EDEM1: variants seen among roughly 807,000 people sequenced by gnomAD.
EDEM1 encodes the protein ER degradation enhancing alpha-mannosidase like protein 1.
In EDEM1, 67 loss-of-function variants were observed where a neutral mutation model predicts 74.4. The observed-to-expected ratio is 0.90, with a 90% CI of 0.74 to 1.10. The LOEUF is 1.10. Ranked by LOEUF, EDEM1 falls within the 50% of genes least tolerant of loss-of-function variation. EDEM1 has a pLI of 0.00. For synonymous variants in EDEM1, 382 were observed against 335.9 expected (o/e 1.14, Z -1.50); for missense variants, 926 against 851.6 (o/e 1.09, Z -1.09).
intron 2 of EDEM1, among the ~76,000 whole-genome samples, chr3:5,199,252 C>T (rs2106593357): frequency 6.6e-6 from 1 of 152,272 alleles, no homozygotes; most frequent in African/African-American, 2.4e-5. Flanking sequence ...GTATACCTGC[C>T]AGAAGTTTTA....
chr3:5,215,780 A>G (rs373871613), intron 11 of EDEM1, 49 bp from the exon 12 acceptor site: 1 of 1,517,096 alleles, frequency 6.6e-7, no homozygotes, highest in African/African-American at 1.4e-5. Flanking sequence ...ACATTTCCTG[A>G]GAGAGCAACA....
intron 3 of EDEM1, 140 bp from the exon 4 acceptor site, chr3:5,201,613 A>G: frequency 2.3e-6 from 2 of 852,960 alleles, no homozygotes; most frequent in South Asian, 1.6e-5. Flanking sequence ...GGAATTCAAG[A>G]GTCCATTAAG....
rs1217432798 is a variant in EDEM1 at position 5,219,471 on chromosome 3, G to A, written c.*3553G>A. 1 of 152,110 alleles carries A rather than the reference G, an allele frequency of 6.6e-6. No individual in the cohort carries two copies. The highest frequency in any genetic ancestry group is 1.5e-5 in the Non-Finnish European group (1 of 68,030). The allele number at this position is 152,110 out of a possible 1,614,324, so 9.4% of individuals were successfully genotyped here. ...GAAATCGAGGAGGTGGGACGGGCTGGGCCCTGTGTCCCAGGTTTCACAGGG... is the reference window on the plus strand; with the variant it reads ...GAAATCGAGGAGGTGGGACGGGCTGAGCCCTGTGTCCCAGGTTTCACAGGG... On this transcript the variant is annotated 3_prime_UTR_variant, in exon 12 of 12. Transcript: ENST00000256497.
chr3:5,199,803 A>G (rs1250253223), intron 3 of EDEM1, 108 bp downstream of exon 3: 6 of 802,668 alleles, frequency 7.5e-6, no homozygotes, highest in Non-Finnish European at 1.2e-5. Flanking sequence ...CAGGGAGTCC[A>G]TATGGGCTTT....
chr3:5,203,115 T>G lies in EDEM1; in HGVS notation c.1008T>G (p.Leu336=). The G allele has an allele frequency of 1.2e-6, 2 of 1,604,820 alleles. No individual in the cohort carries two copies. Among genetic ancestry groups the G allele is most frequent in the South Asian group, 1.1e-5 (1 of 89,712 alleles). The change falls in exon 5 of 12, where the codon CTT becomes CTG. Residue 336 remains leucine, a synonymous_variant. Transcript: ENST00000256497. The stretch of plus-strand genomic sequence containing the variant: ...TGGCCAGACGAGCAGTGAAAGCCCT[T>G]TGGAACCTCCGGAGCAATGATACAG... ...EWVARRAVKA[L]WNLRSNDTGL...
chr3:5,193,833 G>A (rs1323230887), intron 1 of EDEM1, among the ~76,000 whole-genome samples: 2 of 152,102 alleles, frequency 1.3e-5, no homozygotes, highest in Non-Finnish European at 2.9e-5. Flanking sequence ...CCTGACCTTG[G>A]ATGATCCACC....
intron 10 of EDEM1, among the ~76,000 whole-genome samples, chr3:5,212,835 G>A (rs1330919286): frequency 1.3e-5 from 2 of 152,230 alleles, no homozygotes; most frequent in Middle Eastern, 3.2e-3. Flanking sequence ...TGTGCAAGAA[G>A]TGAAGTGAAT....
chr3:5,216,590 G>A lies in EDEM1; in HGVS notation c.*672G>A, dbSNP rs974179759. On this transcript the variant is annotated 3_prime_UTR_variant, in exon 12 of 12. Coordinates refer to ENST00000256497, the MANE Select transcript of EDEM1 (RefSeq NM_014674.3). ...TCCAACCGTGATTTTGGATCACATGGGAGAAAAAGTCATCCAGTTTTTCAT... is the reference window on the plus strand; with the variant it reads ...TCCAACCGTGATTTTGGATCACATGAGAGAAAAAGTCATCCAGTTTTTCAT... 6.6e-6 allele frequency: 1 copy of A among 152,392 alleles called. No homozygotes were observed. Among genetic ancestry groups the A allele is most frequent in the Non-Finnish European group, 1.5e-5 (1 of 68,032 alleles). 9.4% of individuals were successfully genotyped at this position (152,392 alleles called of 1,614,324 possible).
intron 8 of EDEM1, 132 bp downstream of exon 8, chr3:5,208,395 A>G (rs561737277): frequency 1.0e-4 from 107 of 1,069,660 alleles, no homozygotes; most frequent in South Asian, 4.2e-4. Context: ...GTTACCCCCT[A>G]TCCGTAGTCT....
rs199626889 is a variant in EDEM1, at chr3:5,188,300, C to T, written c.495C>T (p.Pro165=). The T allele has an allele frequency of 4.2e-5, 64 of 1,521,924 alleles. No individual in the cohort carries two copies. In the African/African-American group the frequency reaches 8.7e-4, roughly 21 times the overall value. The allele number at this position is 1,521,924 out of a possible 1,614,324, so 94.3% of individuals were successfully genotyped here. A position where few individuals can be genotyped will look rare whatever the true frequency, so the allele number is the denominator to read the frequency against. Residue 165 remains proline, a synonymous_variant, in exon 1 of 12, where the codon CCC becomes CCT. Transcript: ENST00000256497. Reference sequence around the variant, plus strand: ...CCATCCACTGCCGCGGCCGTGGGCCCGACCGCGGGGACCCGTGAGTAGCCC... The same window carrying T: ...CCATCCACTGCCGCGGCCGTGGGCCTGACCGCGGGGACCCGTGAGTAGCCC... ...LNPIHCRGRG[P]DRGDPSNLNI...
rs2055282313 is a variant in EDEM1, at chr3:5,219,246, G to C, written c.*3328G>C. On this transcript the variant is annotated 3_prime_UTR_variant, in exon 12 of 12. Transcript: ENST00000256497. Reference sequence around the variant, plus strand: ...GAGGGCACCAGGGGCCTTTCTCTTTGATAAATTTTTTTTGTCTGTTGACAA... The same window carrying C: ...GAGGGCACCAGGGGCCTTTCTCTTTCATAAATTTTTTTTGTCTGTTGACAA... The C allele has an allele frequency of 6.6e-6, 1 of 152,130 alleles. No homozygotes were observed. The highest frequency in any genetic ancestry group is 2.4e-5 in the African/African-American group (1 of 41,430). 9.4% of individuals were successfully genotyped at this position (152,130 alleles called of 1,614,324 possible). A position where few individuals can be genotyped will look rare whatever the true frequency, so the allele number is the denominator to read the frequency against.
intron 1 of EDEM1, among the ~76,000 whole-genome samples, chr3:5,189,147 G>A (rs1323647591): frequency 6.6e-6 from 1 of 151,892 alleles, no homozygotes; most frequent in African/African-American, 2.4e-5. Context: ...ACCCAGCTAA[G>A]GACCTCTTAC....
At position 5,215,837 on chromosome 3, in the gene EDEM1, T is replaced by C. The variant is rs2055227998; in HGVS notation, c.1893T>C (p.Arg631=). ...KVINSSSNCN[R]VPDERRYSLP... ...CGTTTTTGTCTTTCTAGTGCAATCG[T>C]GTACCTGATGAGAGGAGGTACTCCC... The change falls in exon 12 of 12, where the codon CGT becomes CGC. Residue 631 remains arginine (R), a synonymous_variant. Transcript: ENST00000256497. 1 of 1,613,256 alleles carries C rather than the reference T, an allele frequency of 6.2e-7. No homozygotes were observed. The highest frequency in any genetic ancestry group is 8.5e-7 in the Non-Finnish European group (1 of 1,179,604).
At position 5,208,021 on chromosome 3, in the gene EDEM1, C is replaced by G. The variant is rs899031805; in HGVS notation, c.1339-72C>G. 6.3e-5 allele frequency: 94 copies of G among 1,491,610 alleles called. 1 individual carries two copies. The highest frequency in any genetic ancestry group is 8.1e-5 in the Non-Finnish European group (91 of 1,121,180). 92.4% of individuals were successfully genotyped at this position (1,491,610 alleles called of 1,614,324 possible). A position where few individuals can be genotyped will look rare whatever the true frequency, so the allele number is the denominator to read the frequency against. On this transcript the variant is annotated intron_variant, in intron 7 of 11. Transcript: ENST00000256497. ...ACTCGGGGGCAGAGGAGAGCCCAGG[C>G]AGGCCCTTTGTGCCATGTCTTGTCA... is the stretch of plus-strand genomic sequence containing the variant.
At chr3:5,200,081 A>G (rs1278347316) in intron 3 of EDEM1, among the ~76,000 whole-genome samples, 1 of 151,800 alleles carries the variant, frequency 6.6e-6, no homozygotes, top group East Asian at 1.9e-4. Context: ...GATTACAGGC[A>G]CTCACCACCA....
intron 1 of EDEM1, among the ~76,000 whole-genome samples, chr3:5,192,324 C>T (rs2054911623): frequency 6.6e-6 from 1 of 152,182 alleles, no homozygotes; most frequent in African/African-American, 2.4e-5. Flanking sequence ...TGTGCCTACA[C>T]CACACCAGGT....
chr3:5,215,638 G>A (rs991644996), intron 11 of EDEM1, among the ~76,000 whole-genome samples, 191 bp from the exon 12 acceptor site: 10 of 152,086 alleles, frequency 6.6e-5, no homozygotes, highest in African/African-American at 2.4e-4. Flanking sequence ...CGTAGGAGTT[G>A]CCACTGGCAC....
chr3:5,207,047 ATTAATG>A (rs949097876), intron 6 of EDEM1, 100 bp from the exon 7 acceptor site: 1 of 1,489,612 alleles, frequency 6.7e-7, no homozygotes, highest in African/African-American at 1.4e-5. Flanking sequence ...AGGAGAAAAA[ATTAATG>A]TTAATTCCGT....
At chr3:5,214,672 A>G (rs1307428162) in intron 11 of EDEM1, among the ~76,000 whole-genome samples, 1 of 152,164 alleles carries the variant, frequency 6.6e-6, no homozygotes, top group Non-Finnish European at 1.5e-5. Context: ...TAACATCTCC[A>G]TTTTACAGCT....
Sources: gnomAD v4.1 joint callset for allele counts (sites outside exome capture counted in the v4.1 genomes callset) on GRCh38, gnomAD v4.1.1 for gene constraint, MANE v1.5 for transcripts, NCBI Gene and HGNC (gene_info 2026-07-23, HGNC 2026-07-21) for gene names.